CUX1: variants seen among roughly 807,000 people sequenced by gnomAD.
CUX1 encodes protein CASP.
Under a neutral mutation model 158.8 loss-of-function variants are expected in CUX1, and 31 were observed. That is an observed-to-expected ratio of 0.20 (90% CI 0.15 to 0.26). The LOEUF (loss-of-function observed/expected upper bound fraction) is 0.26, where lower values mean the gene tolerates loss of function less well. CUX1 is among the 10% of genes least tolerant of loss of function. The pLI, the probability that CUX1 is intolerant of heterozygous loss-of-function variation, is 1.00. For missense variants in CUX1, 1,589 were observed against 2,014.6 expected (o/e 0.79, Z 4.04); for synonymous variants, 879 against 862.1 (o/e 1.02, Z -0.34).
chr7:101,978,387 T>C (rs1585154756), intron 2 of CUX1, among the ~76,000 whole-genome samples: 1 of 151,652 alleles, frequency 6.6e-6, no homozygotes, highest in African/African-American at 2.4e-5. Context: ...GCCCTGGGGC[T>C]CCCCCTCCTC....
At chr7:101,843,862 A>G (rs1273638973) in intron 1 of CUX1, among the ~76,000 whole-genome samples, 1 of 152,228 alleles carries the variant, frequency 6.6e-6, no homozygotes, top group Admixed American at 6.5e-5. Flanking sequence ...ATGTGAACAA[A>G]TGTGAACCTT....
At chr7:101,958,123 A>G (rs535719422) in intron 2 of CUX1, among the ~76,000 whole-genome samples, 1 of 152,314 alleles carries the variant, frequency 6.6e-6, no homozygotes, top group African/African-American at 2.4e-5. Flanking sequence ...CCACCGTGCC[A>G]TGTGCCAGAC....
intron 2 of CUX1, among the ~76,000 whole-genome samples, chr7:101,981,116 A>AT (rs1421883999): frequency 5.1e-4 from 77 of 152,234 alleles, no homozygotes; most frequent in Non-Finnish European, 9.9e-4. Flanking sequence ...CTTTTGGCAT[A>AT]GCTCCTGAAC....
At position 102,248,939 on chromosome 7, in the gene CUX1, G is replaced by A. The variant is rs782550484; in HGVS notation, c.4415G>A (p.Arg1472His). ...LPEAAGARDS[R>H]DNPLRKKKAA... is the part of the protein sequence containing the mutation. ...GAGGCCGCGGGCGCCCGGGACTCGC[G>A]CGACAACCCCCTGCGCAAGAAGAAG... Residue 1472 changes from arginine (R) to histidine (H), a missense_variant, in exon 24 of 24, where the codon CGC (arginine) becomes CAC (histidine). Arg to His is a conservative substitution (Grantham distance 29). Coordinates refer to ENST00000292535, the MANE Select transcript of CUX1 (RefSeq NM_181552.4). The surrounding 1 kb of genome is among the most constrained non-coding windows in gnomAD (Gnocchi z 5.8). The A allele has an allele frequency of 1.8e-5, 27 of 1,482,082 alleles. No homozygotes were observed. Among genetic ancestry groups the A allele is most frequent in the Non-Finnish European group, 2.4e-5 (27 of 1,111,404 alleles). The allele number at this position is 1,482,082 out of a possible 1,614,324, so 91.8% of individuals were successfully genotyped here.
chr7:102,053,449 G>A (rs55974420), intron 3 of CUX1, among the ~76,000 whole-genome samples: 21,868 of 152,064 alleles, frequency 0.14, 1,653 homozygotes, highest in Middle Eastern at 0.22. Flanking sequence ...CAAATAATCC[G>A]ATTATACTTC....
Position 102,197,002 on chromosome 7 carries a change from GGCATGGCCCCATCC to G in CUX1, c.1592_1605del (p.Gly531AlafsTer31). 6.2e-7 allele frequency: 1 copy of G among 1,614,212 alleles called. No homozygotes were observed. The highest frequency in any genetic ancestry group is 8.5e-7 in the Non-Finnish European group (1 of 1,180,046). Reference sequence around the variant, plus strand: ...ATTACAACAAAGCCCAGATGTCAATGGCATGGCCCCATCCCCCAGCCAGTCAGAAAGTGCTGGGA... The same window carrying G: ...ATTACAACAAAGCCCAGATGTCAATGCCCAGCCAGTCAGAAAGTGCTGGGA... On this transcript the variant is annotated frameshift_variant, in exon 15 of 24. Coordinates refer to ENST00000292535, the MANE Select transcript of CUX1 (RefSeq NM_181552.4). LOFTEE classifies it high-confidence loss of function.
At chr7:101,843,841 C>T (rs1795414276) in intron 1 of CUX1, among the ~76,000 whole-genome samples, 1 of 152,194 alleles carries the variant, frequency 6.6e-6, no homozygotes, top group African/African-American at 2.4e-5. Context: ...ATGTTCTCTC[C>T]TTGCTAGAAT....
At chr7:102,083,861 ATTTTC>A (rs2130774215) in intron 4 of CUX1, among the ~76,000 whole-genome samples, 2 of 146,940 alleles carry the variant, frequency 1.4e-5, no homozygotes, top group South Asian at 4.3e-4. Flanking sequence ...ATTAAAGGAT[ATTTTC>A]TTTTTTAAAA....
intron 10 of CUX1, among the ~76,000 whole-genome samples, 185 bp from the exon 11 acceptor site, chr7:102,178,284 G>A (rs1792618735): frequency 6.6e-6 from 1 of 152,216 alleles, no homozygotes; most frequent in Admixed American, 6.5e-5. Context: ...AATCGAGGTG[G>A]CAGCTAACCA....
intron 1 of CUX1, among the ~76,000 whole-genome samples, chr7:101,854,275 C>T (rs1055010968): frequency 1.3e-5 from 2 of 152,150 alleles, no homozygotes; most frequent in African/African-American, 4.8e-5. Context: ...CTTTTGTGAG[C>T]GCCTTCTAGC....
intron 20 of CUX1, among the ~76,000 whole-genome samples, chr7:102,209,031 C>T (rs553696242): frequency 2.6e-5 from 4 of 152,280 alleles, no homozygotes; most frequent in African/African-American, 4.8e-5. Flanking sequence ...TCCGTGGGGG[C>T]GGATGGCTCT....
exon 22 of CUX1, chr7:102,282,773 A>C: frequency 6.2e-7 from 1 of 1,612,868 alleles, no homozygotes; most frequent in Non-Finnish European, 8.5e-7. Context: ...TTCTGCGCCA[A>C]GAAGTGAGGA....
At chr7:101,820,908 G>A (rs559384862) in intron 1 of CUX1, among the ~76,000 whole-genome samples, 12 of 152,232 alleles carry the variant, frequency 7.9e-5, no homozygotes, top group Admixed American at 5.9e-4. Context: ...ATAGCCATTC[G>A]TTTTGTCGAA....
rs200017488 is a variant in CUX1 at position 102,252,128 on chromosome 7, TA to T, written c.*3094del. On this transcript the variant is annotated 3_prime_UTR_variant, in exon 24 of 24. Coordinates refer to ENST00000292535, the MANE Select transcript of CUX1 (RefSeq NM_181552.4). ...TTTTTTCCTCTATTATTTATTTTTT[TA>T]AAAAAAATAGAGATCCTAACCTTAG... The T allele has an allele frequency of 7.1e-6, 7 of 984,262 alleles. No individual in the cohort carries two copies. The South Asian group carries it at 3.3e-4, about 46-fold the overall frequency. 61.0% of individuals were successfully genotyped at this position (984,262 alleles called of 1,614,324 possible). A position where few individuals can be genotyped will look rare whatever the true frequency, so the allele number is the denominator to read the frequency against.
At chr7:102,204,071 C>G (rs1218956663) in intron 18 of CUX1, among the ~76,000 whole-genome samples, 2 of 152,198 alleles carry the variant, frequency 1.3e-5, no homozygotes, top group South Asian at 2.1e-4. Flanking sequence ...ACCTCCTCCG[C>G]GGGGTGTCAG....
intron 1 of CUX1, chr7:101,913,004 A>C (rs1466773342): frequency 1.9e-5 from 3 of 160,954 alleles, no homozygotes; most frequent in African/African-American, 7.2e-5. Context: ...ATTGTAGTTG[A>C]CGCTTTGAGG....
At chr7:102,059,360 A>G (rs1824508795) in intron 3 of CUX1, among the ~76,000 whole-genome samples, 1 of 152,156 alleles carries the variant, frequency 6.6e-6, no homozygotes, top group African/African-American at 2.4e-5. Context: ...GGGACCGGGT[A>G]CAGTGGCTCA....
Position 102,250,061 on chromosome 7 carries a change from A to G in CUX1, c.*1019A>G, listed in dbSNP as rs951559915. On this transcript the variant is annotated 3_prime_UTR_variant, in exon 24 of 24. Transcript: ENST00000292535. The stretch of plus-strand genomic sequence containing the variant: ...ATCAGGACAAAAAAAAGAAAAAAAA[A>G]GAAAAAAAAAAAAGAAAAGATCCGA... 11 of 977,752 alleles carry G rather than the reference A, an allele frequency of 1.1e-5. No individual in the cohort carries two copies. In the African/African-American group the frequency reaches 1.8e-4, roughly 16 times the overall value. The allele number at this position is 977,752 out of a possible 1,614,324, so 60.6% of individuals were successfully genotyped here.
intron 1 of CUX1, among the ~76,000 whole-genome samples, chr7:101,908,111 G>A (rs764998240): frequency 1.3e-5 from 2 of 152,214 alleles, no homozygotes; most frequent in African/African-American, 4.8e-5. Context: ...GATACTACCA[G>A]TATCTTATGT....
Sources: allele counts gnomAD v4.1 joint callset (sites outside exome capture counted in the v4.1 genomes callset), GRCh38; gene constraint gnomAD v4.1.1; non-coding constraint Gnocchi (gnomAD v3.1); transcripts MANE v1.5; gene names NCBI Gene and HGNC (gene_info 2026-07-23, HGNC 2026-07-21).